IPCEF1: variants seen among roughly 807,000 people sequenced by gnomAD.
The protein encoded by IPCEF1 is interactor protein for cytohesin exchange factors 1.
A neutral mutation model predicts 50.9 loss-of-function variants in IPCEF1; 31 were observed. That is an observed-to-expected ratio of 0.61 (90% confidence interval 0.46 to 0.82). The LOEUF (loss-of-function observed/expected upper bound fraction) is 0.82, where lower values mean the gene tolerates loss of function less well. Ranked by LOEUF, IPCEF1 falls within the 40% of genes least tolerant of loss-of-function variation. The pLI, the probability that IPCEF1 is intolerant of heterozygous loss-of-function variation, is 0.00. For missense variants in IPCEF1, 458 were observed against 514.0 expected, an observed-to-expected ratio of 0.89 and a Z score of 1.05; for synonymous variants, 181 against 192.0, an observed-to-expected ratio of 0.94 and a Z score of 0.47.
At chr6:154,221,236 T>A in intron 7 of IPCEF1, 21 bp downstream of exon 7, 1 of 1,600,990 alleles carries the variant, frequency 6.2e-7, no homozygotes, top group Non-Finnish European at 8.6e-7. Context: ...AGGATGGGGT[T>A]TACCAGTTTC....
chr6:154,181,094 G>C (rs1763175686), intron 10 of IPCEF1, among the ~76,000 whole-genome samples: 1 of 152,066 alleles, frequency 6.6e-6, no homozygotes, highest in South Asian at 2.1e-4. Context: ...CAGAAGAATT[G>C]TATAGGCTTT....
intron 9 of IPCEF1, among the ~76,000 whole-genome samples, chr6:154,202,686 A>T (rs1050025501): frequency 2.8e-4 from 43 of 152,186 alleles, no homozygotes; most frequent in African/African-American, 1.0e-3. Flanking sequence ...TTGAACCTCA[A>T]AACTCTGCTT....
chr6:154,305,812 G>A (rs1162206631), intron 1 of IPCEF1, among the ~76,000 whole-genome samples: 1 of 152,214 alleles, frequency 6.6e-6, no homozygotes, highest in Non-Finnish European at 1.5e-5. Flanking sequence ...TTTCTCCCAT[G>A]CTGGATGCTT....
intron 10 of IPCEF1, among the ~76,000 whole-genome samples, chr6:154,172,628 T>C (rs1387159630): frequency 1.3e-5 from 2 of 152,196 alleles, no homozygotes; most frequent in African/African-American, 4.8e-5. Flanking sequence ...GGTGGTTCTA[T>C]GCTCACAGTG....
In IPCEF1 at chr6:154,168,151, C is replaced by T. The variant is rs1799582409; in HGVS notation, c.911-38G>A. The stretch of plus-strand genomic sequence containing the variant: ...AAAAAAGAAAGCAGTAACAATAAAC[C>T]CAGTGAAAAATCAAGGAGAGAACAT... On this transcript the variant is annotated intron_variant, in intron 10 of 11. Coordinates refer to ENST00000367220, the MANE Select transcript of IPCEF1 (RefSeq NM_001130700.2). This position sits in a 1 kb window ranked among gnomAD's most constrained non-coding sequence, Gnocchi z 4.1. The T allele has an allele frequency of 6.8e-7, 1 of 1,467,344 alleles. No individual in the cohort carries two copies. Among genetic ancestry groups the T allele is most frequent in the South Asian group, 1.4e-5 (1 of 71,536 alleles). The allele number at this position is 1,467,344 out of a possible 1,614,324, so 90.9% of individuals were successfully genotyped here.
intron 3 of IPCEF1, among the ~76,000 whole-genome samples, chr6:154,265,363 C>G (rs1295105365): frequency 6.6e-6 from 1 of 151,982 alleles, no homozygotes; most frequent in African/African-American, 2.4e-5. Flanking sequence ...TCACTGCAAC[C>G]TCCACTTCCC....
chr6:154,315,312 T>G (rs981587228), intron 1 of IPCEF1, among the ~76,000 whole-genome samples: 1 of 152,198 alleles, frequency 6.6e-6, no homozygotes, highest in African/African-American at 2.4e-5. Flanking sequence ...CAGTAAATAT[T>G]TGTAGGGCCA....
intron 1 of IPCEF1, among the ~76,000 whole-genome samples, chr6:154,291,278 T>A (rs942926093): frequency 1.3e-5 from 2 of 152,232 alleles, no homozygotes; most frequent in East Asian, 1.9e-4. Context: ...TTTTATTTTT[T>A]AAAATCTATA....
chr6:154,233,787 C>A (rs1188377706), intron 5 of IPCEF1, among the ~76,000 whole-genome samples: 1 of 152,148 alleles, frequency 6.6e-6, no homozygotes, highest in Non-Finnish European at 1.5e-5. Context: ...CCACCAGCAC[C>A]TGCATCTCAC....
At chr6:154,311,168 A>G (rs2037804) in intron 1 of IPCEF1, among the ~76,000 whole-genome samples, 74,312 of 151,838 alleles carry the variant, frequency 0.49, 18,771 homozygotes, top group Admixed American at 0.57. Flanking sequence ...AATAAAAAAT[A>G]AGAAAGAAAA....
intron 11 of IPCEF1, among the ~76,000 whole-genome samples, chr6:154,163,936 G>T (rs1799223659): frequency 6.6e-6 from 1 of 152,190 alleles, no homozygotes; most frequent in Admixed American, 6.5e-5. Context: ...TAGGAAAGCA[G>T]AGGGATTGTT....
intron 1 of IPCEF1, among the ~76,000 whole-genome samples, chr6:154,340,636 A>T (rs765074122): frequency 9.2e-5 from 14 of 151,500 alleles, no homozygotes; most frequent in Non-Finnish European, 1.9e-4. Flanking sequence ...CTGTAATCCC[A>T]GCACTTTGGG....
intron 10 of IPCEF1, among the ~76,000 whole-genome samples, chr6:154,172,518 C>A (rs1225228502): frequency 2.0e-5 from 3 of 152,180 alleles, no homozygotes. Context: ...GTCCCACACC[C>A]ATGGAGCCTT....
chr6:154,353,593 T>C (rs1327369348), intron 1 of IPCEF1, among the ~76,000 whole-genome samples: 2 of 152,204 alleles, frequency 1.3e-5, no homozygotes, highest in Non-Finnish European at 2.9e-5. Flanking sequence ...CCGGGCCTAT[T>C]TACTTTCTTT....
At chr6:154,331,314 A>G (rs1040503562) in intron 1 of IPCEF1, among the ~76,000 whole-genome samples, 15 of 149,728 alleles carry the variant, frequency 1.0e-4, no homozygotes, top group African/African-American at 3.5e-4. Flanking sequence ...AAAGAAAAGA[A>G]AAGAAGAAGA....
At chr6:154,273,822 C>G (rs1420587550) in intron 2 of IPCEF1, among the ~76,000 whole-genome samples, 2 of 141,144 alleles carry the variant, frequency 1.4e-5, no homozygotes, top group Non-Finnish European at 3.0e-5. Flanking sequence ...GGCGCCATCT[C>G]GGCTCGCTGC....
chr6:154,309,307 T>A (rs1434110543), intron 1 of IPCEF1, among the ~76,000 whole-genome samples: 1 of 152,134 alleles, frequency 6.6e-6, no homozygotes, highest in East Asian at 1.9e-4. Flanking sequence ...AAGATGAGTA[T>A]CTGTCCCCCC....
chr6:154,212,512 A>G (rs1269227123), intron 9 of IPCEF1, among the ~76,000 whole-genome samples: 1 of 152,228 alleles, frequency 6.6e-6, no homozygotes, highest in Non-Finnish European at 1.5e-5. Context: ...GTCACCTAGA[A>G]GCCTTTGCAT....
rs184128215 is a variant in IPCEF1, at chr6:154,326,147, A to C, written c.-62+30525T>G. 7.2e-5 allele frequency among the ~76,000 whole-genome samples: 11 copies of C among 151,838 alleles called. No individual in the cohort carries two copies. The East Asian group carries it at 2.1e-3, about 29-fold the overall frequency. On this transcript the variant is annotated intron_variant, in intron 1 of 11. Transcript: ENST00000367220. ...AGGCTGAGGTGGGAGGCTTGAGCCCAGGAGGCAGAGGCTGCAGTGAGCCAA... is the reference window on the plus strand; with the variant it reads ...AGGCTGAGGTGGGAGGCTTGAGCCCCGGAGGCAGAGGCTGCAGTGAGCCAA...
Sources: gnomAD v4.1 joint callset for allele counts (sites outside exome capture counted in the v4.1 genomes callset) on GRCh38, gnomAD v4.1.1 for gene constraint, Gnocchi (gnomAD v3.1) non-coding constraint, MANE v1.5 for transcripts, NCBI Gene and HGNC (gene_info 2026-07-23, HGNC 2026-07-21) for gene names.